Variants in EMILIN1 observed in about 807,000 individuals in gnomAD.
The protein encoded by EMILIN1 is elastin microfibril interfacer 1.
A neutral mutation model predicts 82.4 loss-of-function variants in EMILIN1; 49 were observed. The ratio of observed to expected loss-of-function variants is 0.59; its 90% CI spans 0.47 to 0.75. The LOEUF is 0.75. EMILIN1 is among the 30% of genes least tolerant of loss of function. EMILIN1 has a pLI of 0.00. For missense variants in EMILIN1, 1,313 were observed against 1,366.4 expected, an observed-to-expected ratio of 0.96 and a Z score of 0.62; for synonymous variants, 604 against 602.2, an observed-to-expected ratio of 1.00 and a Z score of -0.04.
chr2:27,081,242 G>A (rs532192350), intron 3 of EMILIN1, among the ~76,000 whole-genome samples: 6 of 152,072 alleles, frequency 3.9e-5, no homozygotes, highest in Non-Finnish European at 7.3e-5. Context: ...GCTCGCACAC[G>A]CCCCATGTGG....
Position 27,082,436 on chromosome 2 carries a change from G to C in EMILIN1, c.865G>C (p.Glu289Gln). The C allele has an allele frequency of 3.1e-6, 5 of 1,593,332 alleles. No homozygotes were observed. Among genetic ancestry groups the C allele is most frequent in the Non-Finnish European group, 4.3e-6 (5 of 1,172,486 alleles). ...CTCAGCCCCTCCGGGCCCCAGTGAG[G>C]AGCTGCTGCGGCAGCTGGAGCAGCG... ...PASAPPGPSE[E>Q]LLRQLEQRLQ... Residue 289 changes from glutamate to glutamine, a missense_variant, in exon 4 of 8, where the codon GAG becomes CAG. Glu to Gln is a conservative substitution (Grantham distance 29). Transcript: ENST00000380320.
Position 27,083,148 on chromosome 2 carries a change from A to G in EMILIN1, c.1577A>G (p.Glu526Gly). 1.3e-6 allele frequency: 2 copies of G among 1,596,194 alleles called. No individual in the cohort carries two copies. Among genetic ancestry groups the G allele is most frequent in the Admixed American group, 1.7e-5 (1 of 58,700 alleles). Residue 526 changes from glutamate (E) to glycine (G), a missense_variant, in exon 4 of 8, where the codon GAG becomes GGG. Transcript: ENST00000380320. ...CTGCACACGGTGGAAGCAGCGGGGG[A>G]GGCCCGGCAGGCCACGCTGGAGGGA... ...SGLHTVEAAGEARQATLEGLQ... is the reference protein window; with the variant it reads ...SGLHTVEAAGGARQATLEGLQ...
Position 27,079,136 on chromosome 2 carries a change from A to T in EMILIN1, c.71A>T (p.Tyr24Phe). Reference sequence around the variant, plus strand: ...ACGGCAGCTGCAGGGGCCGCCAGCTACCCTCCTCGAGGTTTCAGCCTCTAC... The same window carrying T: ...ACGGCAGCTGCAGGGGCCGCCAGCTTCCCTCCTCGAGGTTTCAGCCTCTAC... ...LLTAAAGAAS[Y>F]PPRGFSLYTG... The change falls in exon 1 of 8, where the codon TAC becomes TTC. Residue 24 changes from tyrosine (Y) to phenylalanine (F), a missense_variant. By Grantham distance (22) the Tyr-to-Phe change is conservative. Transcript: ENST00000380320. 6.2e-7 allele frequency: 1 copy of T among 1,603,528 alleles called. No individual in the cohort carries two copies. Among genetic ancestry groups the T allele is most frequent in the Non-Finnish European group, 8.5e-7 (1 of 1,175,404 alleles).
chr2:27,084,538 G>A lies in EMILIN1; in HGVS notation c.2557+7G>A, dbSNP rs1468880027. 2 of 1,564,010 alleles carry A rather than the reference G, an allele frequency of 1.3e-6. No individual in the cohort carries two copies. The highest frequency in any genetic ancestry group is 1.8e-6 in the Non-Finnish European group (2 of 1,135,190). On this transcript the variant is annotated splice_region_variant and intron_variant, in intron 5 of 7. Coordinates refer to ENST00000380320, the MANE Select transcript of EMILIN1 (RefSeq NM_007046.4). ...GGCCCCATCGGGCCACCAGGTATGT[G>A]CACTGAGACCCTTGCTGCAGTCAGG...
chr2:27,085,649 G>GC, intron 7 of EMILIN1, 29 bp from the exon 8 acceptor site: 1 of 1,565,656 alleles, frequency 6.4e-7, no homozygotes, highest in Non-Finnish European at 8.7e-7. Flanking sequence ...AGCTTCCCTG[G>GC]CCCCCCTGAC....
rs140139205 is a variant in EMILIN1 at position 27,080,740 on chromosome 2, G to A, written c.299G>A (p.Arg100His). Residue 100 changes from arginine to histidine, a missense_variant, in exon 3 of 8, where the codon CGC becomes CAC. Transcript: ENST00000380320. The stretch of plus-strand genomic sequence containing the variant: ...CCTTCTGCCTCTGCCAGGTACCGCC[G>A]CTTCCTCCGCCCTCGCTACCGTGTG... The part of the protein sequence containing the change: ...PQCPQSIMYR[R>H]FLRPRYRVAY... The A allele has an allele frequency of 2.7e-5, 43 of 1,612,720 alleles. No individual in the cohort carries two copies. The African/African-American group carries it at 3.3e-4, about 12-fold the overall frequency.
rs1485571529 is a variant in EMILIN1 at position 27,086,207 on chromosome 2, T to G, written c.*192T>G. ...GCTCAGGGAGGCTCGGGGCCGCCCATGCAGACTTTTGGCCTGGCGCGATCC... is the reference window on the plus strand; with the variant it reads ...GCTCAGGGAGGCTCGGGGCCGCCCAGGCAGACTTTTGGCCTGGCGCGATCC... On this transcript the variant is annotated 3_prime_UTR_variant, in exon 8 of 8. Transcript: ENST00000380320. 16 of 390,720 alleles carry G rather than the reference T, an allele frequency of 4.1e-5. No individual in the cohort carries two copies. The highest frequency in any genetic ancestry group is 2.7e-4 in the South Asian group (2 of 7,540). 24.2% of individuals were successfully genotyped at this position (390,720 alleles called of 1,614,324 possible).
chr2:27,080,504 G>A (rs948847551), intron 2 of EMILIN1, among the ~76,000 whole-genome samples: 1 of 152,192 alleles, frequency 6.6e-6, no homozygotes, highest in Non-Finnish European at 1.5e-5. Flanking sequence ...GGCTCAAGCA[G>A]AGGAGTTCAA....
rs760885687 is a variant in EMILIN1, at chr2:27,085,675, C to T, written c.2714-3C>T. 31 of 1,594,332 alleles carry T rather than the reference C, an allele frequency of 1.9e-5. No homozygotes were observed. The South Asian group carries it at 2.9e-4, about 15-fold the overall frequency. On this transcript the variant is annotated splice_region_variant and splice_polypyrimidine_tract_variant and intron_variant, in intron 7 of 7. Coordinates refer to ENST00000380320, the MANE Select transcript of EMILIN1 (RefSeq NM_007046.4). ...CCCCCCTGACTGCTATCCTTGTCCC[C>T]AGGCGTGTTCACAGCGCCACTGGCT...
rs1176609847 is a variant in EMILIN1 at position 27,083,514 on chromosome 2, C to T, written c.1943C>T (p.Ser648Phe). The change falls in exon 4 of 8, where the codon TCT becomes TTT. Residue 648 changes from serine to phenylalanine, a missense_variant. Transcript: ENST00000380320. ...SALQALQGEL[S>F]EVILSFSSLN... ...CTGCAGGCCCTGCAAGGAGAGCTCT[C>T]TGAGGTTATTCTCAGCTTCAGCTCC... is the stretch of plus-strand genomic sequence containing the variant. The T allele has an allele frequency of 6.8e-6, 11 of 1,613,878 alleles. No individual in the cohort carries two copies. Among genetic ancestry groups the T allele is most frequent in the Non-Finnish European group, 9.3e-6 (11 of 1,179,988 alleles).
At position 27,083,149 on chromosome 2, in the gene EMILIN1, G is replaced by A. The variant is rs767318349; in HGVS notation, c.1578G>A (p.Glu526=). The A allele has an allele frequency of 6.3e-7, 1 of 1,598,610 alleles. No individual in the cohort carries two copies. Among genetic ancestry groups the A allele is most frequent in the South Asian group, 1.1e-5 (1 of 88,770 alleles). ...TGCACACGGTGGAAGCAGCGGGGGA[G>A]GCCCGGCAGGCCACGCTGGAGGGAT... ...SGLHTVEAAG[E]ARQATLEGLQ... The change falls in exon 4 of 8, where the codon GAG becomes GAA. Residue 526 remains glutamate (E), a synonymous_variant. Transcript: ENST00000380320.
Position 27,085,011 on chromosome 2 carries a change from G to A in EMILIN1, c.2575+3G>A, listed in dbSNP as rs778280001. 1 of 1,613,960 alleles carries A rather than the reference G, an allele frequency of 6.2e-7. No homozygotes were observed. Among genetic ancestry groups the A allele is most frequent in the African/African-American group, 1.3e-5 (1 of 75,062 alleles). On this transcript the variant is annotated splice_donor_region_variant and intron_variant, in intron 6 of 7. Transcript: ENST00000380320. ...CACAGGTCCTCAAGGTGAACAGGGT[G>A]AGTGCCTTTCATTTGATTCTGGAGG...
In EMILIN1 at chr2:27,083,568, C is replaced by A; in HGVS notation, c.1997C>A (p.Thr666Asn). The A allele has an allele frequency of 6.2e-7, 1 of 1,614,128 alleles. No individual in the cohort carries two copies. Among genetic ancestry groups the A allele is most frequent in the South Asian group, 1.1e-5 (1 of 91,088 alleles). Residue 666 changes from threonine (T) to asparagine (N), a missense_variant, in exon 4 of 8, where the codon ACC becomes AAC. Physicochemically the swap from Thr to Asn is moderately conservative, Grantham distance 65. Coordinates refer to ENST00000380320, the MANE Select transcript of EMILIN1 (RefSeq NM_007046.4). ...SLNDSLNELQ[T>N]TVEGQGADLA... The stretch of plus-strand genomic sequence containing the variant: ...AATGACTCACTGAATGAGCTCCAGA[C>A]CACTGTGGAGGGCCAGGGCGCTGAT...
At chr2:27,084,675 G>A in intron 5 of EMILIN1, 144 bp downstream of exon 5, 1 of 635,924 alleles carries the variant, frequency 1.6e-6, no homozygotes, top group South Asian at 1.8e-5. Context: ...GGGAAAATCA[G>A]AGGAAAGTGA....
At position 27,083,650 on chromosome 2, in the gene EMILIN1, G is replaced by A. The variant is rs754609569; in HGVS notation, c.2079G>A (p.Gln693=). ...TCATTTCTGAGATTAACAGGCTGCA[G>A]CAGGAGGCCACAGAGCATGCTACAG... ...DRIISEINRL[Q]QEATEHATES... is the part of the protein sequence containing the mutation. The change falls in exon 4 of 8, where the codon CAG becomes CAA. Residue 693 remains glutamine, a synonymous_variant. Transcript: ENST00000380320. 6 of 1,612,480 alleles carry A rather than the reference G, an allele frequency of 3.7e-6. No homozygotes were observed. Among genetic ancestry groups the A allele is most frequent in the Admixed American group, 3.3e-5 (2 of 59,942 alleles).
chr2:27,082,061 T>A, intron 3 of EMILIN1, 22 bp from the exon 4 acceptor site: 2 of 1,582,736 alleles, frequency 1.3e-6, no homozygotes, highest in Non-Finnish European at 1.7e-6. Flanking sequence ...CCCCTCTGCC[T>A]TCTGCCTTCC....
chr2:27,078,901 C>T lies in EMILIN1; in HGVS notation c.-165C>T. On this transcript the variant is annotated 5_prime_UTR_variant, in exon 1 of 8. Coordinates refer to ENST00000380320, the MANE Select transcript of EMILIN1 (RefSeq NM_007046.4). ...AAAGAGGAGGGGAGAGGGGTCAGGC[C>T]AGGCAGCCAAGGAGAAGACGTGTGG... 2 of 535,924 alleles carry T rather than the reference C, an allele frequency of 3.7e-6. No homozygotes were observed. Among genetic ancestry groups the T allele is most frequent in the South Asian group, 5.0e-5 (2 of 40,394 alleles). The allele number at this position is 535,924 out of a possible 1,614,324, so 33.2% of individuals were successfully genotyped here. A position where few individuals can be genotyped will look rare whatever the true frequency, so the allele number is the denominator to read the frequency against.
Position 27,086,102 on chromosome 2 carries a change from T to A in EMILIN1, c.*87T>A. 1 of 1,040,330 alleles carries A rather than the reference T, an allele frequency of 9.6e-7. No individual in the cohort carries two copies. The highest frequency in any genetic ancestry group is 1.3e-6 in the Non-Finnish European group (1 of 786,368). 64.4% of individuals were successfully genotyped at this position (1,040,330 alleles called of 1,614,324 possible). A position where few individuals can be genotyped will look rare whatever the true frequency, so the allele number is the denominator to read the frequency against. ...GGGGTCTCGCCTGAGACGGGGCACC[T>A]AGCCCTGGGCGAGCGCCGCACCCGG... On this transcript the variant is annotated 3_prime_UTR_variant, in exon 8 of 8. Coordinates refer to ENST00000380320, the MANE Select transcript of EMILIN1 (RefSeq NM_007046.4).
chr2:27,082,016 TG>T, intron 3 of EMILIN1, 66 bp from the exon 4 acceptor site: 1 of 1,474,950 alleles, frequency 6.8e-7, no homozygotes, highest in South Asian at 1.4e-5. Flanking sequence ...TTGCTGGAGC[TG>T]GGGTGAGCAG....
Sources: gnomAD v4.1 joint callset for allele counts (sites outside exome capture counted in the v4.1 genomes callset) on GRCh38, gnomAD v4.1.1 for gene constraint, MANE v1.5 for transcripts, NCBI Gene and HGNC (gene_info 2026-07-23, HGNC 2026-07-21) for gene names.